Variants in SLCO5A1 observed in about 807,000 individuals in gnomAD.
SLCO5A1 encodes the protein organic anion transporter polypeptide-related protein 4.
Under a neutral mutation model 65.1 loss-of-function variants are expected in SLCO5A1, and 39 were observed. The observed-to-expected ratio is 0.60, with a 90% CI of 0.46 to 0.78. SLCO5A1 has a LOEUF of 0.78. Among genes scored for constraint, SLCO5A1 ranks in the 30% least tolerant of loss-of-function variants. The pLI, the probability that SLCO5A1 is intolerant of heterozygous loss-of-function variation, is 0.00. For synonymous variants in SLCO5A1, 438 were observed against 415.7 expected (o/e 1.05, Z -0.65); for missense variants, 1,029 against 1,069.4 (o/e 0.96, Z 0.53).
At chr8:69,831,712 G>A in intron 2 of SLCO5A1, 55 bp downstream of exon 2, 1 of 1,517,758 alleles carries the variant, frequency 6.6e-7, no homozygotes, top group Non-Finnish European at 8.9e-7. Context: ...ATTTTTGTAA[G>A]GAAAGTAAGT....
At chr8:69,791,350 G>A (rs1474539419) in intron 2 of SLCO5A1, among the ~76,000 whole-genome samples, 2 of 152,176 alleles carry the variant, frequency 1.3e-5, no homozygotes, top group Non-Finnish European at 2.9e-5. Context: ...TGCAAAACCA[G>A]AATGGCAGCA....
intron 2 of SLCO5A1, among the ~76,000 whole-genome samples, chr8:69,818,970 G>C (rs948941347): frequency 6.6e-6 from 1 of 152,122 alleles, no homozygotes; most frequent in Non-Finnish European, 1.5e-5. Flanking sequence ...TTTCAGTGGA[G>C]ATTATTTTTT....
intron 5 of SLCO5A1, among the ~76,000 whole-genome samples, chr8:69,708,651 C>T (rs534491241): frequency 6.6e-6 from 1 of 152,132 alleles, no homozygotes; most frequent in South Asian, 2.1e-4. Flanking sequence ...TGCCTGTAAT[C>T]CCAGCACTTT....
intron 2 of SLCO5A1, among the ~76,000 whole-genome samples, chr8:69,772,141 C>T (rs530394204): frequency 7.9e-5 from 12 of 152,310 alleles, no homozygotes; most frequent in East Asian, 3.9e-4. Flanking sequence ...TCTCAAACAG[C>T]GTTGTTCCAT....
intron 2 of SLCO5A1, among the ~76,000 whole-genome samples, chr8:69,762,158 CTTT>C (rs1817814489): frequency 7.7e-6 from 1 of 130,002 alleles, no homozygotes; most frequent in Non-Finnish European, 1.6e-5. Flanking sequence ...TTCTTTCTTT[CTTT>C]CTTTCTTTCT....
intron 6 of SLCO5A1, among the ~76,000 whole-genome samples, chr8:69,683,380 GT>G (rs1230608006): frequency 6.6e-6 from 1 of 152,144 alleles, no homozygotes; most frequent in African/African-American, 2.4e-5. Flanking sequence ...TGGAATGTCT[GT>G]TACGTACCAG....
chr8:69,827,604 ATT>A (rs1167683822), intron 2 of SLCO5A1, among the ~76,000 whole-genome samples: 1 of 152,122 alleles, frequency 6.6e-6, no homozygotes, highest in Non-Finnish European at 1.5e-5. Context: ...CTACTACCTG[ATT>A]TTTTTCTTTC....
At chr8:69,749,749 AAAAC>A (rs1242872687) in intron 4 of SLCO5A1, among the ~76,000 whole-genome samples, 1 of 140,884 alleles carries the variant, frequency 7.1e-6, no homozygotes, top group African/African-American at 2.4e-5. Flanking sequence ...CAAAAAAAAA[AAAAC>A]ATTCCTGTCT....
intron 2 of SLCO5A1, chr8:69,794,697 G>T: frequency 3.3e-6 from 1 of 305,500 alleles, no homozygotes; most frequent in Non-Finnish European, 6.6e-6. Flanking sequence ...TCAAAAAGGT[G>T]CAGACTGCAG....
At chr8:69,756,042 T>C (rs1817529559) in intron 3 of SLCO5A1, among the ~76,000 whole-genome samples, 1 of 152,234 alleles carries the variant, frequency 6.6e-6, no homozygotes, top group South Asian at 2.1e-4. Flanking sequence ...TAGACTTTTT[T>C]TTGTCATAAG....
At chr8:69,695,772 C>T (rs1402963785) in intron 6 of SLCO5A1, among the ~76,000 whole-genome samples, 1 of 151,898 alleles carries the variant, frequency 6.6e-6, no homozygotes, top group Non-Finnish European at 1.5e-5. Context: ...CCAGTACTTG[C>T]CTTTGAAAAC....
intron 4 of SLCO5A1, among the ~76,000 whole-genome samples, chr8:69,747,800 T>C (rs1230593003): frequency 6.6e-6 from 1 of 152,250 alleles, no homozygotes; most frequent in Non-Finnish European, 1.5e-5. Flanking sequence ...ATGATCGTCC[T>C]GCAGTGAAAA....
intron 2 of SLCO5A1, among the ~76,000 whole-genome samples, chr8:69,771,195 G>T (rs1032931924): frequency 1.3e-5 from 2 of 152,038 alleles, no homozygotes; most frequent in Admixed American, 1.3e-4. Flanking sequence ...TGTTGGCCAG[G>T]CTGGTCTTGA....
intron 2 of SLCO5A1, among the ~76,000 whole-genome samples, chr8:69,773,364 CA>C (rs1256291413): frequency 3.3e-5 from 5 of 152,200 alleles, no homozygotes; most frequent in African/African-American, 1.2e-4. Flanking sequence ...CTATTGAGGG[CA>C]GGCTCCAGCA....
intron 7 of SLCO5A1, among the ~76,000 whole-genome samples, 167 bp downstream of exon 7, chr8:69,682,017 C>T (rs1159770183): frequency 6.6e-6 from 1 of 152,148 alleles, no homozygotes; most frequent in Non-Finnish European, 1.5e-5. Context: ...AAAATAATAG[C>T]AATGCATAAT....
At chr8:69,676,515 A>T (rs1202906938) in intron 9 of SLCO5A1, 94 bp downstream of exon 9, 8 of 1,042,902 alleles carry the variant, frequency 7.7e-6, no homozygotes, top group Non-Finnish European at 1.0e-5. Flanking sequence ...ATTCATGGTA[A>T]TAAATGACAT....
rs538856789 is a variant in SLCO5A1 at position 69,744,826 on chromosome 8, A to G, written c.1259-6622T>C. On this transcript the variant is annotated intron_variant, in intron 4 of 9. Transcript: ENST00000260126. ...GGAGCAGGTTAAGAGCTAAGAAAGC[A>G]TAAGTCATAAGATGAAAGGTGGTCC... Among the ~76,000 whole-genome samples the G allele has an allele frequency of 1.1e-3, 164 of 152,382 alleles. 1 individual carries two copies. The highest frequency in any genetic ancestry group is 3.5e-3 in the African/African-American group (147 of 41,592).
chr8:69,742,646 G>A (rs1816834897), intron 4 of SLCO5A1, among the ~76,000 whole-genome samples: 2 of 152,022 alleles, frequency 1.3e-5, no homozygotes, highest in South Asian at 2.1e-4. Context: ...CAGTATAGGC[G>A]GCCCCATCAT....
At chr8:69,712,848 A>G (rs529008133) in intron 5 of SLCO5A1, among the ~76,000 whole-genome samples, 2 of 139,806 alleles carry the variant, frequency 1.4e-5, no homozygotes, top group South Asian at 5.0e-4. Context: ...AATTTATTAT[A>G]TAAAATCTTT....
Sources: allele counts gnomAD v4.1 joint callset (sites outside exome capture counted in the v4.1 genomes callset), GRCh38; gene constraint gnomAD v4.1.1; transcripts MANE v1.5; gene names NCBI Gene and HGNC (gene_info 2026-07-23, HGNC 2026-07-21).